STXBP6: variants seen among roughly 807,000 people sequenced by gnomAD.
The protein encoded by STXBP6 is syntaxin binding protein 6, also known as syntaxin-binding protein 6.
STXBP6 carries 21 observed loss-of-function variants against 26.9 expected under a neutral mutation model. That is an observed-to-expected ratio of 0.78 (90% confidence interval 0.55 to 1.12). The LOEUF (loss-of-function observed/expected upper bound fraction) is 1.12. STXBP6 is among the 50% of genes most tolerant of loss of function. STXBP6 has a pLI of 0.00. For synonymous variants in STXBP6, 97 were observed against 92.6 expected (o/e 1.05, Z -0.27); for missense variants, 232 against 257.9 (o/e 0.90, Z 0.69).
intron 1 of STXBP6, among the ~76,000 whole-genome samples, chr14:25,045,211 A>C (rs2075706608): frequency 6.6e-6 from 1 of 152,216 alleles, no homozygotes; most frequent in Non-Finnish European, 1.5e-5. Context: ...CGCTGACTTG[A>C]ATAAATGTAA....
At chr14:24,954,619 T>G (rs186581281) in intron 2 of STXBP6, among the ~76,000 whole-genome samples, 4 of 152,142 alleles carry the variant, frequency 2.6e-5, no homozygotes, top group African/African-American at 9.7e-5. Context: ...GGAACAAGCA[T>G]GTGCAGGAGG....
chr14:24,907,660 T>A (rs1481403514), intron 2 of STXBP6, among the ~76,000 whole-genome samples: 1 of 152,180 alleles, frequency 6.6e-6, no homozygotes. Flanking sequence ...AGCCTTTTAA[T>A]AAGCATTTAA....
chr14:24,874,277 A>C (rs766397207), intron 2 of STXBP6, among the ~76,000 whole-genome samples: 17 of 152,068 alleles, frequency 1.1e-4, no homozygotes, highest in Non-Finnish European at 2.5e-4. Context: ...GGGAGATGAG[A>C]GGGATAGTCA....
chr14:25,040,017 T>C (rs867360408), intron 1 of STXBP6, among the ~76,000 whole-genome samples: 2 of 152,108 alleles, frequency 1.3e-5, no homozygotes, highest in African/African-American at 2.4e-5. Flanking sequence ...CCAGAATCTG[T>C]ATCTCAACAG....
At chr14:24,850,164 G>A (rs1305893327) in intron 4 of STXBP6, among the ~76,000 whole-genome samples, 1 of 152,012 alleles carries the variant, frequency 6.6e-6, no homozygotes, top group African/African-American at 2.4e-5. Context: ...ACCTCACCTA[G>A]GGATGACTTT....
intron 2 of STXBP6, among the ~76,000 whole-genome samples, chr14:24,859,281 T>C (rs532342410): frequency 4.6e-5 from 7 of 152,172 alleles, no homozygotes; most frequent in Non-Finnish European, 8.8e-5. Context: ...ATTAGTTTAT[T>C]CCTTGCCCAG....
At chr14:25,023,635 C>T (rs116154911) in intron 1 of STXBP6, among the ~76,000 whole-genome samples, 5,063 of 151,808 alleles carry the variant, frequency 0.033, 267 homozygotes, top group African/African-American at 0.11. Context: ...ATAGCAAGAC[C>T]CCGTTTCTTA....
intron 2 of STXBP6, among the ~76,000 whole-genome samples, chr14:24,973,032 G>A (rs537377131): frequency 6.6e-5 from 10 of 152,072 alleles, no homozygotes; most frequent in Admixed American, 2.6e-4. Flanking sequence ...CAGGAGGATC[G>A]ATTGAACCCA....
Position 24,990,407 on chromosome 14 carries a change from C to T in STXBP6, c.-32-15557G>A, listed in dbSNP as rs894327680. 7.2e-5 allele frequency among the ~76,000 whole-genome samples: 11 copies of T among 152,216 alleles called. 1 individual carries two copies. The East Asian group carries it at 2.1e-3, about 29-fold the overall frequency. On this transcript the variant is annotated intron_variant, in intron 1 of 5. Transcript: ENST00000323944. ...CGCGCAGTGGCTCACACCTGTAATCCCAGCACTTAGGAAGGCCGAGGTGGG... is the reference window on the plus strand; with the variant it reads ...CGCGCAGTGGCTCACACCTGTAATCTCAGCACTTAGGAAGGCCGAGGTGGG...
At chr14:24,959,339 G>A (rs1347158928) in intron 2 of STXBP6, among the ~76,000 whole-genome samples, 1 of 152,110 alleles carries the variant, frequency 6.6e-6, no homozygotes, top group African/African-American at 2.4e-5. Context: ...ACAAGCCCTG[G>A]GAAGCAAAGG....
chr14:24,996,857 T>G (rs981081001), intron 1 of STXBP6, among the ~76,000 whole-genome samples: 4 of 102,922 alleles, frequency 3.9e-5, no homozygotes, highest in African/African-American at 1.9e-4. Context: ...TGAGTGAAAC[T>G]CTGTCTCAAA....
intron 2 of STXBP6, among the ~76,000 whole-genome samples, chr14:24,885,470 G>T (rs1164420777): frequency 1.3e-5 from 2 of 152,190 alleles, no homozygotes; most frequent in African/African-American, 4.8e-5. Context: ...GAGTACCTAG[G>T]ATAGACAGGC....
intron 1 of STXBP6, among the ~76,000 whole-genome samples, chr14:24,999,357 GA>G (rs1404037712): frequency 2.0e-5 from 3 of 152,190 alleles, no homozygotes; most frequent in African/African-American, 7.2e-5. Flanking sequence ...GTGCTCACCA[GA>G]AACCATGCAA....
intron 2 of STXBP6, among the ~76,000 whole-genome samples, chr14:24,954,289 T>C (rs1217465493): frequency 6.6e-6 from 1 of 152,118 alleles, no homozygotes; most frequent in Non-Finnish European, 1.5e-5. Context: ...TGAAGAAGTC[T>C]GAATTGCTTT....
chr14:24,966,212 T>C lies in STXBP6; in HGVS notation c.154+8453A>G, dbSNP rs557044740. ...CATCTGGTTTTAGTATTGGAATGCA[T>C]ACATGAGAGAATGGAAAAAGAAAAC... is the stretch of plus-strand genomic sequence containing the variant. On this transcript the variant is annotated intron_variant, in intron 2 of 5. Transcript: ENST00000323944. Among the ~76,000 whole-genome samples, 7 of 152,216 alleles carry C rather than the reference T, an allele frequency of 4.6e-5. 1 individual carries two copies. In the South Asian group the frequency reaches 1.2e-3, roughly 27 times the overall value.
intron 2 of STXBP6, among the ~76,000 whole-genome samples, chr14:24,909,533 C>A (rs900644187): frequency 4.6e-5 from 7 of 151,988 alleles, no homozygotes; most frequent in Admixed American, 3.9e-4. Context: ...GTAATCCCAG[C>A]ACTGTAGGAA....
intron 5 of STXBP6, among the ~76,000 whole-genome samples, chr14:24,815,148 T>C (rs61976829): frequency 0.19 from 29,542 of 152,108 alleles, 3,602 homozygotes; most frequent in Admixed American, 0.36. Context: ...GCTGCAAATC[T>C]GCTGTATGAC....
intron 2 of STXBP6, among the ~76,000 whole-genome samples, chr14:24,929,392 T>C (rs1420649240): frequency 6.6e-6 from 1 of 152,234 alleles, no homozygotes. Flanking sequence ...AAAGGCCACA[T>C]TTCTAAATGT....
At chr14:24,998,299 A>G (rs539758096) in intron 1 of STXBP6, among the ~76,000 whole-genome samples, 2 of 152,328 alleles carry the variant, frequency 1.3e-5, no homozygotes, top group East Asian at 3.9e-4. Context: ...GGAAGGGGTT[A>G]TTTTAAGCAA....
Sources: allele counts gnomAD v4.1 joint callset (sites outside exome capture counted in the v4.1 genomes callset), GRCh38; gene constraint gnomAD v4.1.1; transcripts MANE v1.5; gene names NCBI Gene and HGNC (gene_info 2026-07-23, HGNC 2026-07-21).